MYLK: variants seen among roughly 807,000 people sequenced by gnomAD.
MYLK encodes the protein myosin light chain kinase, also known as myosin light chain kinase, smooth muscle.
A neutral mutation model predicts 203.4 loss-of-function variants in MYLK; 106 were observed. The ratio of observed to expected loss-of-function variants is 0.52; its 90% CI spans 0.45 to 0.61. The LOEUF (loss-of-function observed/expected upper bound fraction) is 0.61, where lower values mean the gene tolerates loss of function less well. Ranked by LOEUF, MYLK falls within the 20% of genes least tolerant of loss-of-function variation. The probability of loss-of-function intolerance (pLI) is 0.00; values close to 1 mark genes in which losing one functional copy is unlikely to be tolerated. For synonymous variants in MYLK, 867 were observed against 959.5 expected, an observed-to-expected ratio of 0.90 and a Z score of 1.78; for missense variants, 2,072 against 2,442.3, an observed-to-expected ratio of 0.85 and a Z score of 3.20.
chr3:123,749,116 T>TACAA (rs2063115836), intron 5 of MYLK, among the ~76,000 whole-genome samples: 1 of 147,704 alleles, frequency 6.8e-6, no homozygotes, highest in Non-Finnish European at 1.5e-5. Flanking sequence ...CATACATACA[T>TACAA]ACAAATACAT....
Position 123,640,317 on chromosome 3 carries a change from G to A in MYLK, c.4807C>T (p.Leu1603Phe). 2 of 1,613,976 alleles carry A rather than the reference G, an allele frequency of 1.2e-6. No homozygotes were observed. Among genetic ancestry groups the A allele is most frequent in the Non-Finnish European group, 1.7e-6 (2 of 1,180,002 alleles). The part of the protein sequence containing the change: ...CVNKTGTRIK[L>F]IDFGLARRLE... ...CTCCTGGCCAGACCAAAGTCGATGAGCTTGATCCTGGTGCCCGTCTTGTTG... is the reference window on the plus strand; with the variant it reads ...CTCCTGGCCAGACCAAAGTCGATGAACTTGATCCTGGTGCCCGTCTTGTTG... Residue 1603 changes from leucine to phenylalanine, a missense_variant, in exon 28 of 34, where the codon CTC (leucine) becomes TTC (phenylalanine). Transcript: ENST00000360304. The surrounding 1 kb of genome is among the most constrained non-coding windows in gnomAD (Gnocchi z 4.3).
chr3:123,647,153 G>T, intron 27 of MYLK, 71 bp downstream of exon 27: 1 of 1,412,990 alleles, frequency 7.1e-7, no homozygotes, highest in East Asian at 2.3e-5. Context: ...AGGTGGCTGG[G>T]GTAGGGCAGT....
At chr3:123,811,342 A>G (rs2065553312) in intron 3 of MYLK, among the ~76,000 whole-genome samples, 1 of 152,202 alleles carries the variant, frequency 6.6e-6, no homozygotes, top group South Asian at 2.1e-4. Context: ...ATCAGCTATT[A>G]GCTGCACTCA....
Position 123,627,763 on chromosome 3 carries a change from T to C in MYLK, c.5115-822A>G, listed in dbSNP as rs75556324. ...AGGAAGGAATTTTTTTTTTAAGTGC[T>C]GATAGGTGGTGATTTCTGGTTGAAG... On this transcript the variant is annotated intron_variant, in intron 30 of 33. Transcript: ENST00000360304. 3.6e-3 allele frequency among the ~76,000 whole-genome samples: 552 copies of C among 152,286 alleles called. 2 individuals carry two copies. Among genetic ancestry groups the C allele is most frequent in the African/African-American group, 0.013 (526 of 41,556 alleles).
At chr3:123,709,100 G>T in intron 14 of MYLK, 1 of 434,430 alleles carries the variant, frequency 2.3e-6, no homozygotes, top group Non-Finnish European at 4.1e-6. Context: ...GTGCAACTGA[G>T]AACATCTTCT....
chr3:123,788,595 T>C lies in MYLK; in HGVS notation c.165+5082A>G, dbSNP rs546686742. ...ATGTTCCCCTTCCTGTGTCCATGTG[T>C]TCTCATTGTTAAAGTGCTAAACATG... On this transcript the variant is annotated intron_variant, in intron 4 of 33. Transcript: ENST00000360304. Among the ~76,000 whole-genome samples the C allele has an allele frequency of 4.3e-5, 6 of 138,132 alleles. No homozygotes were observed. In the East Asian group the frequency reaches 1.5e-3, roughly 34 times the overall value. 90.6% of individuals were successfully genotyped at this position (138,132 alleles called of 152,430 possible). A position where few individuals can be genotyped will look rare whatever the true frequency, so the allele number is the denominator to read the frequency against.
intron 1 of MYLK, among the ~76,000 whole-genome samples, chr3:123,881,723 G>C (rs1440801597): frequency 6.6e-6 from 1 of 152,110 alleles, no homozygotes; most frequent in Non-Finnish European, 1.5e-5. Context: ...CTTATATTTT[G>C]AGGATAAAAG....
rs928882548 is a variant in MYLK at position 123,831,602 on chromosome 3, G to A, written c.-58C>T. The A allele has an allele frequency of 7.1e-5, 21 of 294,848 alleles. No individual in the cohort carries two copies. Among genetic ancestry groups the A allele is most frequent in the Admixed American group, 1.9e-4 (4 of 21,302 alleles). 18.3% of individuals were successfully genotyped at this position (294,848 alleles called of 1,614,324 possible). A position where few individuals can be genotyped will look rare whatever the true frequency, so the allele number is the denominator to read the frequency against. Reference sequence around the variant, plus strand: ...ACTGGGCCAGTGGGACAGGAAAGGCGTCCTGAAGCTCTCGGCTGGGAAGCT... The same window carrying A: ...ACTGGGCCAGTGGGACAGGAAAGGCATCCTGAAGCTCTCGGCTGGGAAGCT... On this transcript the variant is annotated 5_prime_UTR_variant, in exon 3 of 34. It adds an upstream start codon to the 5' untranslated region. Coordinates refer to ENST00000360304, the MANE Select transcript of MYLK (RefSeq NM_053025.4).
chr3:123,759,392 G>A (rs931197268), intron 4 of MYLK, among the ~76,000 whole-genome samples: 1 of 152,156 alleles, frequency 6.6e-6, no homozygotes, highest in African/African-American at 2.4e-5. Flanking sequence ...CAGCTCTCCA[G>A]TTTCTGCTAC....
intron 2 of MYLK, among the ~76,000 whole-genome samples, chr3:123,861,157 A>AAAAAAC (rs1560298465): frequency 1.9e-4 from 29 of 151,702 alleles, no homozygotes; most frequent in African/African-American, 7.1e-4. Flanking sequence ...CAAAAAAAAA[A>AAAAAAC]AACTGATTGG....
intron 18 of MYLK, among the ~76,000 whole-genome samples, chr3:123,693,891 G>A (rs79596245): frequency 0.01 from 1,543 of 152,256 alleles, 15 homozygotes; most frequent in South Asian, 0.026. Context: ...GGAAGCAACC[G>A]TCACACAGGA....
chr3:123,853,660 A>C (rs2031073395), intron 2 of MYLK, among the ~76,000 whole-genome samples: 1 of 152,170 alleles, frequency 6.6e-6, no homozygotes, highest in Non-Finnish European at 1.5e-5. Context: ...GCCGTACCCA[A>C]GGAGCTACAG....
At chr3:123,801,307 C>CTA (rs2065187200) in intron 3 of MYLK, among the ~76,000 whole-genome samples, 1 of 152,220 alleles carries the variant, frequency 6.6e-6, no homozygotes, top group Non-Finnish European at 1.5e-5. Context: ...CCACATTAGC[C>CTA]TATCTCCCTA....
At chr3:123,802,809 C>T (rs1165749597) in intron 3 of MYLK, among the ~76,000 whole-genome samples, 1 of 152,186 alleles carries the variant, frequency 6.6e-6, no homozygotes, top group African/African-American at 2.4e-5. Flanking sequence ...CTGCTTATAA[C>T]TAAATTAGCG....
At chr3:123,678,182 T>C (rs1308789259) in intron 20 of MYLK, among the ~76,000 whole-genome samples, 1 of 152,022 alleles carries the variant, frequency 6.6e-6, no homozygotes, top group Non-Finnish European at 1.5e-5. Context: ...CGGTAGACTC[T>C]GATTTTGTTC....
At chr3:123,760,813 T>C (rs942408232) in intron 4 of MYLK, among the ~76,000 whole-genome samples, 3 of 152,246 alleles carry the variant, frequency 2.0e-5, no homozygotes, top group Non-Finnish European at 4.4e-5. Flanking sequence ...TTATTATTTT[T>C]ATTTAAAGAC....
chr3:123,850,572 C>A (rs1337827237), intron 2 of MYLK, among the ~76,000 whole-genome samples: 1 of 152,258 alleles, frequency 6.6e-6, no homozygotes, highest in Non-Finnish European at 1.5e-5. Context: ...ATATCCTTTG[C>A]CCACTTTTTG....
intron 4 of MYLK, among the ~76,000 whole-genome samples, chr3:123,772,966 A>T (rs2108992910): frequency 6.6e-6 from 1 of 152,178 alleles, no homozygotes; most frequent in Non-Finnish European, 1.5e-5. Context: ...GGCTATTTTT[A>T]ACAATTTGGA....
intron 3 of MYLK, among the ~76,000 whole-genome samples, chr3:123,810,721 G>C (rs746687850): frequency 7.2e-5 from 11 of 152,286 alleles, no homozygotes; most frequent in Non-Finnish European, 1.0e-4. Flanking sequence ...AGGACTGGCC[G>C]GGAGTCCAGT....
Sources: allele counts gnomAD v4.1 joint callset (sites outside exome capture counted in the v4.1 genomes callset), GRCh38; gene constraint gnomAD v4.1.1; non-coding constraint Gnocchi (gnomAD v3.1); transcripts MANE v1.5; gene names NCBI Gene and HGNC (gene_info 2026-07-23, HGNC 2026-07-21).